IPO5: variants seen among roughly 807,000 people sequenced by gnomAD.
IPO5 encodes the protein importin 5, also known as importin-5.
In IPO5, 18 loss-of-function variants were observed where a neutral mutation model predicts 143.3. That is an observed-to-expected ratio of 0.13 (90% CI 0.09 to 0.19). The LOEUF (loss-of-function observed/expected upper bound fraction) is 0.19, where lower values mean the gene tolerates loss of function less well. IPO5 is among the 10% of genes least tolerant of loss of function. IPO5 has a pLI of 1.00. For synonymous variants in IPO5, 477 were observed against 465.7 expected (o/e 1.02, Z -0.31); for missense variants, 1,013 against 1,336.9 (o/e 0.76, Z 3.78).
intron 5 of IPO5, among the ~76,000 whole-genome samples, chr13:97,983,733 T>G (rs1022053121): frequency 6.6e-6 from 1 of 152,100 alleles, no homozygotes; most frequent in East Asian, 1.9e-4. Context: ...ATGCTTATCC[T>G]TGATGGAAAT....
intron 2 of IPO5, among the ~76,000 whole-genome samples, chr13:97,954,700 A>G (rs1437096300): frequency 1.3e-5 from 2 of 152,204 alleles, no homozygotes; most frequent in Non-Finnish European, 2.9e-5. Context: ...CTAGGGGTAA[A>G]AAAGGCTCAT....
chr13:98,000,863 G>A (rs141120652), intron 13 of IPO5: 1 of 536,734 alleles, frequency 1.9e-6, no homozygotes, highest in Admixed American at 3.2e-5. Context: ...TGAAAATGAT[G>A]TTATTATTTG....
intron 2 of IPO5, among the ~76,000 whole-genome samples, chr13:97,967,424 T>C (rs1885435679): frequency 6.6e-6 from 1 of 152,140 alleles, no homozygotes; most frequent in Non-Finnish European, 1.5e-5. Flanking sequence ...TTTCTTCCTT[T>C]CTCTTTCTTT....
chr13:97,979,223 C>T (rs1285110360), intron 4 of IPO5, among the ~76,000 whole-genome samples: 1 of 152,070 alleles, frequency 6.6e-6, no homozygotes, highest in Non-Finnish European at 1.5e-5. Flanking sequence ...CAGTAAATAT[C>T]TTTGTAATTT....
intron 4 of IPO5, among the ~76,000 whole-genome samples, chr13:97,977,447 C>T (rs1405681397): frequency 6.6e-6 from 1 of 152,164 alleles, no homozygotes; most frequent in African/African-American, 2.4e-5. Context: ...TTACTCTGGG[C>T]TTATAATACA....
At chr13:98,020,872 A>G (rs1193581875) in intron 27 of IPO5, 120 bp from the exon 28 acceptor site, 1 of 702,828 alleles carries the variant, frequency 1.4e-6, no homozygotes, top group South Asian at 1.8e-5. Flanking sequence ...TAAAGAGTTC[A>G]TATATAAGAT....
intron 20 of IPO5, 75 bp downstream of exon 20, chr13:98,010,299 G>A (rs1889589955): frequency 1.5e-6 from 2 of 1,337,480 alleles, no homozygotes; most frequent in African/African-American, 2.9e-5. Flanking sequence ...TTTAATAGCT[G>A]CTAAAGAAAT....
chr13:97,961,989 C>T (rs993082874), intron 2 of IPO5, among the ~76,000 whole-genome samples: 8 of 151,932 alleles, frequency 5.3e-5, no homozygotes, highest in African/African-American at 1.9e-4. Flanking sequence ...ATTAGCTGGG[C>T]GTGGGGGCGC....
rs973019365 is a variant in IPO5, at chr13:97,964,696, G to A, written c.-112-5027G>A. Among the ~76,000 whole-genome samples, 14 of 151,578 alleles carry A rather than the reference G, an allele frequency of 9.2e-5. No individual in the cohort carries two copies. In the East Asian group the frequency reaches 9.7e-4, roughly 11 times the overall value. On this transcript the variant is annotated intron_variant, in intron 2 of 28. Coordinates refer to ENST00000651721, the MANE Select transcript of IPO5 (RefSeq NM_002271.6). ...GATCTCCTGACCTCATGACCCGCCC[G>A]CCTCAGCCTCCCAAAGTGCTGGGAT...
chr13:97,986,360 AT>A lies in IPO5; in HGVS notation c.364+759del, dbSNP rs1555306392. 3.3e-4 allele frequency among the ~76,000 whole-genome samples: 46 copies of A among 141,350 alleles called. No homozygotes were observed. The East Asian group carries it at 3.9e-3, about 12-fold the overall frequency. 92.7% of individuals were successfully genotyped at this position (141,350 alleles called of 152,430 possible). On this transcript the variant is annotated intron_variant, in intron 6 of 28. Coordinates refer to ENST00000651721, the MANE Select transcript of IPO5 (RefSeq NM_002271.6). The stretch of plus-strand genomic sequence containing the variant: ...ACGTAGCTATACTATGTATATATAT[AT>A]TTTTTTTTTTTGAGACGGAGTTTCG...
intron 11 of IPO5, among the ~76,000 whole-genome samples, chr13:97,993,971 T>A (rs572716849): frequency 6.6e-6 from 1 of 152,352 alleles, no homozygotes; most frequent in East Asian, 1.9e-4. Context: ...TTGTACTGAC[T>A]GCCCCAGCTG....
rs764066032 is a variant in IPO5 at position 98,019,678 on chromosome 13, A to G, written c.2934A>G (p.Lys978=). ...ATENCISAVG[K]IMKFKPDCVN... is the part of the protein sequence containing the mutation. ...AGAACTGCATCTCAGCAGTAGGGAA[A>G]ATCATGAAGTTCAAGCCTGACTGTG... is the stretch of plus-strand genomic sequence containing the variant. The change falls in exon 27 of 29, where the codon AAA becomes AAG. Residue 978 remains lysine (K), a synonymous_variant. Transcript: ENST00000651721. 28 of 1,614,016 alleles carry G rather than the reference A, an allele frequency of 1.7e-5. No individual in the cohort carries two copies. The East Asian group carries it at 6.0e-4, about 35-fold the overall frequency.
At chr13:97,989,766 G>A (rs1410804094) in intron 7 of IPO5, among the ~76,000 whole-genome samples, 4 of 152,120 alleles carry the variant, frequency 2.6e-5, no homozygotes, top group Non-Finnish European at 5.9e-5. Context: ...ATTCAGATTA[G>A]AGAATGCAGA....
chr13:97,975,151 T>G (rs1594039410), intron 3 of IPO5, among the ~76,000 whole-genome samples: 2 of 150,114 alleles, frequency 1.3e-5, no homozygotes, highest in East Asian at 3.9e-4. Context: ...TCACTAGAGA[T>G]GTAGTGTCCC....
intron 22 of IPO5, among the ~76,000 whole-genome samples, chr13:98,014,567 AG>A (rs1286879716): frequency 6.6e-6 from 1 of 152,176 alleles, no homozygotes; most frequent in Middle Eastern, 3.2e-3. Flanking sequence ...TATATGCTAT[AG>A]TGTATGATTT....
intron 17 of IPO5, among the ~76,000 whole-genome samples, chr13:98,007,136 G>A (rs1359310054): frequency 6.6e-6 from 1 of 151,898 alleles, no homozygotes; most frequent in Non-Finnish European, 1.5e-5. Flanking sequence ...GTGAGCCACC[G>A]CGCCCAGCCC....
At chr13:97,984,598 G>A (rs1457079524) in intron 5 of IPO5, among the ~76,000 whole-genome samples, 6 of 151,674 alleles carry the variant, frequency 4.0e-5, no homozygotes, top group African/African-American at 1.5e-4. Context: ...TACCATAAAT[G>A]TTTCAGTAAA....
chr13:97,990,496 C>T lies in IPO5; in HGVS notation c.628C>T (p.Leu210=). The change falls in exon 9 of 29, where the codon CTG becomes TTG. Residue 210 remains leucine, a synonymous_variant. Transcript: ENST00000651721. Reference sequence around the variant, plus strand: ...ACTTGCAAATGAGCATAATGTTGCTCTGTTCAAACATTTTGCAGACTTGCT... The same window carrying T: ...ACTTGCAAATGAGCATAATGTTGCTTTGTTCAAACATTTTGCAGACTTGCT... The part of the protein sequence containing the change: ...FILANEHNVA[L]FKHFADLLPG... 3.7e-6 allele frequency: 6 copies of T among 1,606,464 alleles called. No homozygotes were observed. The highest frequency in any genetic ancestry group is 5.1e-6 in the Non-Finnish European group (6 of 1,178,128).
At chr13:97,997,480 T>C in intron 11 of IPO5, 51 bp from the exon 12 acceptor site, 1 of 952,692 alleles carries the variant, frequency 1.0e-6, no homozygotes, top group South Asian at 1.7e-5. Context: ...AATAGTGATA[T>C]GGATAAGATA....
Sources: gnomAD v4.1 joint callset for allele counts (sites outside exome capture counted in the v4.1 genomes callset) on GRCh38, gnomAD v4.1.1 for gene constraint, MANE v1.5 for transcripts, NCBI Gene and HGNC (gene_info 2026-07-23, HGNC 2026-07-21) for gene names.